COMMD10: variants seen among roughly 807,000 people sequenced by gnomAD.
COMMD10 encodes the protein COMM domain-containing protein 10.
COMMD10 carries 33 observed loss-of-function variants against 28.9 expected under a neutral mutation model. The ratio of observed to expected loss-of-function variants is 1.14; its 90% confidence interval spans 0.87 to 1.53. COMMD10 has a LOEUF of 1.53. Among genes scored for constraint, COMMD10 ranks in the 40% most tolerant of loss-of-function variants. COMMD10 has a pLI of 0.00. For synonymous variants in COMMD10, 110 were observed against 81.7 expected, an observed-to-expected ratio of 1.35 and a Z score of -1.87; for missense variants, 310 against 233.4, an observed-to-expected ratio of 1.33 and a Z score of -2.14.
intron 4 of COMMD10, among the ~76,000 whole-genome samples, chr5:116,123,247 A>T (rs1315201560): frequency 2.0e-5 from 3 of 152,166 alleles, no homozygotes; most frequent in African/African-American, 4.8e-5. Flanking sequence ...AATACCATCG[A>T]TACCTAATTT....
intron 5 of COMMD10, among the ~76,000 whole-genome samples, chr5:116,260,951 G>A (rs1032238822): frequency 6.6e-6 from 1 of 151,698 alleles, no homozygotes; most frequent in Admixed American, 6.6e-5. Context: ...TGTGAATGTT[G>A]AAAATTACTA....
At chr5:116,090,248 G>A (rs1750252374) in intron 2 of COMMD10, among the ~76,000 whole-genome samples, 1 of 152,072 alleles carries the variant, frequency 6.6e-6, no homozygotes, top group Admixed American at 6.6e-5. Context: ...ACAAATACAT[G>A]GAGATTTTGT....
intron 5 of COMMD10, among the ~76,000 whole-genome samples, chr5:116,174,170 G>C (rs1753428046): frequency 6.6e-6 from 1 of 151,172 alleles, no homozygotes. Flanking sequence ...TACCTAACTG[G>C]ATACCTGAAA....
intron 5 of COMMD10, among the ~76,000 whole-genome samples, chr5:116,208,848 A>G (rs1748883879): frequency 6.6e-6 from 1 of 152,168 alleles, no homozygotes; most frequent in Non-Finnish European, 1.5e-5. Flanking sequence ...TACCTCATTT[A>G]TTCTTAAACT....
intron 5 of COMMD10, among the ~76,000 whole-genome samples, chr5:116,223,905 C>T (rs1381000016): frequency 6.6e-6 from 1 of 152,090 alleles, no homozygotes; most frequent in East Asian, 1.9e-4. Context: ...TGCTGAACTG[C>T]TTAACAGTAT....
intron 5 of COMMD10, among the ~76,000 whole-genome samples, chr5:116,233,065 G>A (rs1464972567): frequency 5.3e-5 from 8 of 152,018 alleles, no homozygotes; most frequent in East Asian, 1.9e-4. Context: ...TTTATTGAAC[G>A]CTTACGATTG....
intron 5 of COMMD10, among the ~76,000 whole-genome samples, chr5:116,157,018 A>G (rs193236109): frequency 6.6e-6 from 1 of 152,298 alleles, no homozygotes; most frequent in East Asian, 1.9e-4. Flanking sequence ...AGGCAAATCC[A>G]AATGTTTATT....
At chr5:116,217,947 T>G in intron 5 of COMMD10, 2 of 766,542 alleles carry the variant, frequency 2.6e-6, no homozygotes, top group South Asian at 1.4e-5. Flanking sequence ...TTTTGCATTT[T>G]TATAAAACTT....
intron 5 of COMMD10, among the ~76,000 whole-genome samples, chr5:116,175,025 A>G (rs1753457096): frequency 6.6e-6 from 1 of 152,114 alleles, no homozygotes; most frequent in African/African-American, 2.4e-5. Flanking sequence ...TTGCTGGGGA[A>G]CAGAGCTCTT....
intron 5 of COMMD10, among the ~76,000 whole-genome samples, chr5:116,246,979 G>A (rs1215432705): frequency 3.3e-5 from 5 of 151,900 alleles, no homozygotes; most frequent in Non-Finnish European, 7.4e-5. Flanking sequence ...TGATAAATGC[G>A]ATCTGATTAA....
At chr5:116,155,099 C>G (rs1252530596) in intron 5 of COMMD10, among the ~76,000 whole-genome samples, 1 of 152,070 alleles carries the variant, frequency 6.6e-6, no homozygotes, top group Admixed American at 6.6e-5. Flanking sequence ...ACATATGAGA[C>G]CTTGGCATAC....
At chr5:116,253,876 T>C (rs62385979) in intron 5 of COMMD10, among the ~76,000 whole-genome samples, 51,759 of 145,388 alleles carry the variant, frequency 0.36, 11,592 homozygotes, top group African/African-American at 0.65. Flanking sequence ...GGAATGGTAC[T>C]AGTTCCTCCT....
At chr5:116,160,921 G>A (rs1448204362) in intron 5 of COMMD10, among the ~76,000 whole-genome samples, 2 of 151,990 alleles carry the variant, frequency 1.3e-5, no homozygotes, top group African/African-American at 4.8e-5. Flanking sequence ...GAAAATATTG[G>A]TATGAGGCTT....
intron 5 of COMMD10, among the ~76,000 whole-genome samples, chr5:116,220,112 A>G (rs767874176): frequency 5.3e-5 from 8 of 152,176 alleles, no homozygotes; most frequent in Non-Finnish European, 8.8e-5. Flanking sequence ...CAATTGGGAG[A>G]TAATTTTGGT....
chr5:116,201,238 G>C (rs547345190), intron 5 of COMMD10, among the ~76,000 whole-genome samples: 1 of 152,284 alleles, frequency 6.6e-6, no homozygotes, highest in East Asian at 1.9e-4. Context: ...AAGAAGCACA[G>C]AGTGATCCGG....
intron 5 of COMMD10, among the ~76,000 whole-genome samples, chr5:116,203,623 T>C (rs1252148985): frequency 2.6e-5 from 4 of 152,064 alleles, no homozygotes; most frequent in Non-Finnish European, 4.4e-5. Flanking sequence ...ACCCAGAATT[T>C]CATATCCAAC....
chr5:116,168,797 A>G (rs1159207479), intron 5 of COMMD10, among the ~76,000 whole-genome samples: 2 of 152,228 alleles, frequency 1.3e-5, no homozygotes, highest in Admixed American at 6.5e-5. Flanking sequence ...CAAAGACACA[A>G]TGTACCAGAA....
intron 5 of COMMD10, among the ~76,000 whole-genome samples, chr5:116,204,546 A>G (rs1748762677): frequency 6.6e-6 from 1 of 152,142 alleles, no homozygotes; most frequent in African/African-American, 2.4e-5. Flanking sequence ...CTAATAGTAT[A>G]ATCTTTTTCC....
chr5:116,273,059 C>A lies in COMMD10; in HGVS notation c.511-18458C>A, dbSNP rs139940867. On this transcript the variant is annotated intron_variant, in intron 5 of 6. Coordinates refer to ENST00000274458, the MANE Select transcript of COMMD10 (RefSeq NM_016144.4). ...CATCAATGATTTCACCACATTTCACCCACAATTCATCTTAAATGTGATGCT... is the reference window on the plus strand; with the variant it reads ...CATCAATGATTTCACCACATTTCACACACAATTCATCTTAAATGTGATGCT... Among the ~76,000 whole-genome samples, 757 of 151,850 alleles carry A rather than the reference C, an allele frequency of 5.0e-3. 24 individuals are homozygous for A. Among genetic ancestry groups the A allele is most frequent in the African/African-American group, 0.017 (715 of 41,250 alleles).
Sources: allele counts gnomAD v4.1 joint callset (sites outside exome capture counted in the v4.1 genomes callset), GRCh38; gene constraint gnomAD v4.1.1; transcripts MANE v1.5; gene names NCBI Gene and HGNC (gene_info 2026-07-23, HGNC 2026-07-21).